FHIT: variants seen among roughly 807,000 people sequenced by gnomAD.
The protein encoded by FHIT is bis(5'-adenosyl)-triphosphatase.
In FHIT, 19 loss-of-function variants were observed where a neutral mutation model predicts 17.9. The observed-to-expected ratio is 1.06, with a 90% CI of 0.74 to 1.56. FHIT has a LOEUF of 1.56. Among genes scored for constraint, FHIT ranks in the 40% most tolerant of loss-of-function variants. The pLI, the probability that FHIT is intolerant of heterozygous loss-of-function variation, is 0.00. For synonymous variants in FHIT, 81 were observed against 69.7 expected, an observed-to-expected ratio of 1.16 and a Z score of -0.81; for missense variants, 248 against 189.2, an observed-to-expected ratio of 1.31 and a Z score of -1.82.
At chr3:60,355,161 A>G (rs879589308) in intron 5 of FHIT, among the ~76,000 whole-genome samples, 1 of 152,180 alleles carries the variant, frequency 6.6e-6, no homozygotes, top group Non-Finnish European at 1.5e-5. Context: ...TTCTCAAAGG[A>G]TTTTGTTGTA....
chr3:60,403,230 A>T (rs1194812512), intron 5 of FHIT, among the ~76,000 whole-genome samples: 4 of 152,198 alleles, frequency 2.6e-5, no homozygotes, highest in Non-Finnish European at 5.9e-5. Context: ...AGGAAAAAGC[A>T]ATTAGTAGGT....
intron 2 of FHIT, among the ~76,000 whole-genome samples, chr3:61,198,139 G>C (rs189016050): frequency 2.2e-4 from 33 of 152,038 alleles, no homozygotes; most frequent in Middle Eastern, 3.4e-3. Flanking sequence ...CTATCAATGA[G>C]GGTTCTGTAG....
intron 3 of FHIT, among the ~76,000 whole-genome samples, chr3:60,947,470 T>C (rs1469904264): frequency 2.6e-5 from 4 of 152,230 alleles, no homozygotes; most frequent in African/African-American, 9.6e-5. Flanking sequence ...AAAGATTTTG[T>C]TGTCATTTGG....
chr3:60,575,902 G>A (rs1259180420), intron 4 of FHIT, among the ~76,000 whole-genome samples: 2 of 152,102 alleles, frequency 1.3e-5, no homozygotes, highest in Non-Finnish European at 2.9e-5. Context: ...GGGCAAAACA[G>A]CATTACTCAA....
rs535166246 is a variant in FHIT at position 59,923,203 on chromosome 3, C to T, written c.280-789G>A. ...TCGCGCCACTGCACTCCAGCCTGGG[C>T]GACAGAGCGAGACTCCTCAAAAAAA... On this transcript the variant is annotated intron_variant, in intron 7 of 9. Transcript: ENST00000492590. 1.9e-4 allele frequency among the ~76,000 whole-genome samples: 21 copies of T among 112,892 alleles called. No individual in the cohort carries two copies. The Admixed American group carries it at 2.7e-3, about 14-fold the overall frequency. The allele number at this position is 112,892 out of a possible 152,430, so 74.1% of individuals were successfully genotyped here.
intron 4 of FHIT, among the ~76,000 whole-genome samples, chr3:60,569,755 A>ATTTTTTTTTTTTTT (rs1553654909): frequency 3.9e-5 from 3 of 77,340 alleles, no homozygotes; most frequent in African/African-American, 1.5e-4. Flanking sequence ...ATATATATAT[A>ATTTTTTTTTTTTTT]TTTTTTTTTT....
intron 5 of FHIT, among the ~76,000 whole-genome samples, chr3:60,033,365 A>G (rs1701082218): frequency 6.6e-6 from 1 of 151,956 alleles, no homozygotes; most frequent in African/African-American, 2.4e-5. Context: ...GTGGTGGCGC[A>G]TGCCTGTAAT....
At chr3:61,201,331 G>T (rs963537999) in intron 1 of FHIT, among the ~76,000 whole-genome samples, 16 of 152,184 alleles carry the variant, frequency 1.1e-4, no homozygotes, top group Non-Finnish European at 1.8e-4. Flanking sequence ...ACAAATCAAT[G>T]TGACAAAAGA....
intron 4 of FHIT, among the ~76,000 whole-genome samples, chr3:60,785,896 GACACAC>G (rs71092634): frequency 2.0e-4 from 17 of 85,876 alleles, no homozygotes; most frequent in East Asian, 7.8e-4. Flanking sequence ...ACAAACAGAA[GACACAC>G]ACACACACAC....
At chr3:59,973,623 A>T (rs1708283161) in intron 7 of FHIT, among the ~76,000 whole-genome samples, 1 of 152,102 alleles carries the variant, frequency 6.6e-6, no homozygotes, top group Non-Finnish European at 1.5e-5. Flanking sequence ...GTTTTTTATT[A>T]ATTTCCTGCT....
intron 5 of FHIT, among the ~76,000 whole-genome samples, chr3:60,487,284 C>T (rs1312339720): frequency 2.0e-5 from 3 of 152,142 alleles, no homozygotes; most frequent in African/African-American, 7.2e-5. Context: ...TAAGCAAGAA[C>T]ACACTGAGCA....
chr3:60,883,932 A>G lies in FHIT; in HGVS notation c.-110-61921T>C, dbSNP rs72889123. On this transcript the variant is annotated intron_variant, in intron 3 of 9. Coordinates refer to ENST00000492590, the MANE Select transcript of FHIT (RefSeq NM_002012.4). ...TCAACAGAATGAAGAGACAGCCCAC[A>G]GAATGGGAGAAAATATTTGCAAACT... Among the ~76,000 whole-genome samples the G allele has an allele frequency of 8.4e-3, 1,281 of 152,350 alleles. 18 individuals carry two copies. Among genetic ancestry groups the G allele is most frequent in the African/African-American group, 0.028 (1,170 of 41,590 alleles).
chr3:60,409,892 A>G (rs779922688), intron 5 of FHIT, among the ~76,000 whole-genome samples: 16 of 152,202 alleles, frequency 1.1e-4, no homozygotes, highest in Non-Finnish European at 2.2e-4. Context: ...CTATGGCTCA[A>G]AAACCAGATA....
intron 4 of FHIT, among the ~76,000 whole-genome samples, chr3:60,723,462 G>T (rs905185826): frequency 6.6e-6 from 1 of 152,216 alleles, no homozygotes; most frequent in South Asian, 2.1e-4. Context: ...TTTCCTTCTG[G>T]GAGTCTGGAA....
intron 5 of FHIT, among the ~76,000 whole-genome samples, chr3:60,149,183 G>C (rs1188968032): frequency 6.6e-6 from 1 of 152,048 alleles, no homozygotes; most frequent in Non-Finnish European, 1.5e-5. Context: ...GTTTTCTTTG[G>C]CATTTCTTCT....
intron 5 of FHIT, among the ~76,000 whole-genome samples, chr3:60,078,493 CTGGGGAAT>C: frequency 6.6e-6 from 1 of 152,200 alleles, no homozygotes; most frequent in African/African-American, 2.4e-5. Context: ...AAGACAAAGT[CTGGGGAAT>C]TGTTTGAGAT....
At chr3:59,857,322 C>T (rs554799721) in intron 8 of FHIT, among the ~76,000 whole-genome samples, 12 of 152,176 alleles carry the variant, frequency 7.9e-5, no homozygotes, top group South Asian at 4.2e-4. Context: ...GATATGTCAC[C>T]GCAACTCTCT....
At chr3:60,081,239 C>CT (rs2107042115) in intron 5 of FHIT, among the ~76,000 whole-genome samples, 1 of 152,166 alleles carries the variant, frequency 6.6e-6, no homozygotes, top group Non-Finnish European at 1.5e-5. Flanking sequence ...GGCTGGGACT[C>CT]TAAGATTTGC....
chr3:60,594,693 G>A (rs2038202115), intron 4 of FHIT, among the ~76,000 whole-genome samples: 1 of 152,074 alleles, frequency 6.6e-6, no homozygotes, highest in Non-Finnish European at 1.5e-5. Flanking sequence ...AGCCACATGT[G>A]ATGATGGCTG....
Sources: gnomAD v4.1 joint callset for allele counts (sites outside exome capture counted in the v4.1 genomes callset) on GRCh38, gnomAD v4.1.1 for gene constraint, MANE v1.5 for transcripts, NCBI Gene and HGNC (gene_info 2026-07-23, HGNC 2026-07-21) for gene names.